GLI2: variants seen among roughly 807,000 people sequenced by gnomAD.
The protein encoded by GLI2 is transcription activator GLI2.
Under a neutral mutation model 78.9 loss-of-function variants are expected in GLI2, and 22 were observed. That is an observed-to-expected ratio of 0.28 (90% CI 0.20 to 0.40). The LOEUF (loss-of-function observed/expected upper bound fraction) is 0.40, where lower values mean the gene tolerates loss of function less well. GLI2 is among the 10% of genes least tolerant of loss of function. The pLI is 1.00. For missense variants in GLI2, 2,097 were observed against 2,213.2 expected, an observed-to-expected ratio of 0.95 and a Z score of 1.05; for synonymous variants, 974 against 963.7, an observed-to-expected ratio of 1.01 and a Z score of -0.20.
intron 1 of GLI2, among the ~76,000 whole-genome samples, chr2:120,763,507 C>T (rs559699626): frequency 3.3e-5 from 5 of 152,226 alleles, no homozygotes; most frequent in East Asian, 1.9e-4. Context: ...TCCTGAGCAG[C>T]AGGCTTGGTG....
At chr2:120,883,786 T>G (rs932146684) in intron 2 of GLI2, among the ~76,000 whole-genome samples, 5 of 152,256 alleles carry the variant, frequency 3.3e-5, no homozygotes, top group Non-Finnish European at 7.4e-5. Flanking sequence ...ATACTTGCAA[T>G]GATAGGTAGC....
intron 3 of GLI2, among the ~76,000 whole-genome samples, chr2:120,939,770 G>A (rs6541752): frequency 0.84 from 128,542 of 152,150 alleles, 58,009 homozygotes; most frequent in East Asian, 1. Context: ...GGTTATTTAA[G>A]GTAAATGCAT....
intron 3 of GLI2, among the ~76,000 whole-genome samples, chr2:120,928,771 T>C (rs565898247): frequency 6.6e-5 from 10 of 152,218 alleles, no homozygotes; most frequent in Non-Finnish European, 1.5e-4. Context: ...CTTTTAAATA[T>C]TTTACTCTGA....
At chr2:120,807,154 C>T (rs1369018865) in intron 2 of GLI2, among the ~76,000 whole-genome samples, 6 of 152,136 alleles carry the variant, frequency 3.9e-5, no homozygotes, top group African/African-American at 1.4e-4. Context: ...CTTGGGCAAG[C>T]CCCCTGGGGA....
Position 120,900,224 on chromosome 2 carries a change from C to T in GLI2, c.149-27137C>T, listed in dbSNP as rs114700854. On this transcript the variant is annotated intron_variant, in intron 2 of 13. Coordinates refer to ENST00000361492, the MANE Select transcript of GLI2 (RefSeq NM_001374353.1). ...CTGGCTGCCTTGCTCTTTTCCCTTC[C>T]GGCTCTTTCTTGTTCCTTCTTTAAC... Among the ~76,000 whole-genome samples the T allele has an allele frequency of 6.4e-3, 971 of 152,276 alleles. 11 individuals are homozygous for T. Among genetic ancestry groups the T allele is most frequent in the African/African-American group, 0.022 (921 of 41,546 alleles).
At position 120,966,742 on chromosome 2, in the gene GLI2, G is replaced by T. The variant is rs369335552; in HGVS notation, c.644-1972G>T. ...GGCTTGCGGCTTGTTCAGTAGGTGG[G>T]TGCGGGCTCTGCCCTCACACAGCCT... On this transcript the variant is annotated intron_variant, in intron 5 of 13. Transcript: ENST00000361492. Among the ~76,000 whole-genome samples the T allele has an allele frequency of 3.3e-5, 5 of 152,242 alleles. No individual in the cohort carries two copies. In the East Asian group the frequency reaches 9.6e-4, roughly 29 times the overall value.
In GLI2 at chr2:120,954,497, G is replaced by A. The variant is rs114055700; in HGVS notation, c.458-748G>A. On this transcript the variant is annotated intron_variant, in intron 4 of 13. Coordinates refer to ENST00000361492, the MANE Select transcript of GLI2 (RefSeq NM_001374353.1). The stretch of plus-strand genomic sequence containing the variant: ...TAAGAGAGCTCTTTTGGAATTTGTC[G>A]AGACTGCTAACAGAGAGGCCGTAGT... 8.1e-3 allele frequency among the ~76,000 whole-genome samples: 1,232 copies of A among 152,246 alleles called. 15 individuals carry two copies. Among genetic ancestry groups the A allele is most frequent in the African/African-American group, 0.028 (1,178 of 41,546 alleles).
intron 1 of GLI2, 59 bp from the exon 2 acceptor site, chr2:120,797,232 G>A (rs150350050): frequency 1.4e-5 from 19 of 1,326,442 alleles, no homozygotes; most frequent in African/African-American, 4.3e-5. Context: ...AATCTGGGTC[G>A]GCGTTTCCCG....
rs145715373 is a variant in GLI2 at position 120,945,224 on chromosome 2, C to T, written c.255-6019C>T. Among the ~76,000 whole-genome samples the T allele has an allele frequency of 3.2e-3, 486 of 152,372 alleles. 1 individual carries two copies. Among genetic ancestry groups the T allele is most frequent in the African/African-American group, 0.011 (470 of 41,582 alleles). ...CGTCCTCCACTGCAGCGGAGTCAGCCGTGAGGCCGGGCTCCTGCTCCTTGT... is the reference window on the plus strand; with the variant it reads ...CGTCCTCCACTGCAGCGGAGTCAGCTGTGAGGCCGGGCTCCTGCTCCTTGT... On this transcript the variant is annotated intron_variant, in intron 3 of 13. Transcript: ENST00000361492.
At chr2:120,946,047 A>G (rs2311803) in intron 3 of GLI2, among the ~76,000 whole-genome samples, 127,626 of 151,584 alleles carry the variant, frequency 0.84, 57,488 homozygotes, top group East Asian at 1. Context: ...GTAATGCACT[A>G]CCTCGTGAAC....
In GLI2 at chr2:120,894,943, C is replaced by T. The variant is rs141325441; in HGVS notation, c.149-32418C>T. Among the ~76,000 whole-genome samples, 838 of 152,306 alleles carry T rather than the reference C, an allele frequency of 5.5e-3. 5 individuals are homozygous for T. Among genetic ancestry groups the T allele is most frequent in the African/African-American group, 0.017 (699 of 41,576 alleles). On this transcript the variant is annotated intron_variant, in intron 2 of 13. Coordinates refer to ENST00000361492, the MANE Select transcript of GLI2 (RefSeq NM_001374353.1). ...TGAACTCCTGACCTCGTGATCTGCC[C>T]GCCTCAGCTTCCCAAAGTTCTGGGA...
At chr2:120,771,450 C>T (rs539492398) in intron 1 of GLI2, among the ~76,000 whole-genome samples, 6 of 152,246 alleles carry the variant, frequency 3.9e-5, no homozygotes, top group Non-Finnish European at 8.8e-5. Context: ...TTCCAAGCGT[C>T]CTTCCTTTCA....
At chr2:120,801,725 C>G (rs966291417) in intron 2 of GLI2, among the ~76,000 whole-genome samples, 5 of 152,170 alleles carry the variant, frequency 3.3e-5, no homozygotes, top group Non-Finnish European at 7.3e-5. Context: ...CCGGAAAGCT[C>G]GGAAAACCCA....
intron 2 of GLI2, chr2:120,866,855 A>C (rs1190870041): frequency 6.6e-6 from 1 of 152,248 alleles, no homozygotes; most frequent in Non-Finnish European, 1.5e-5. Flanking sequence ...CTGAAACTCG[A>C]TGAGTGACAT....
rs564623230 is a variant in GLI2, at chr2:120,928,084, T to G, written c.254+618T>G. ...CTTGGCCTTTAGGGCTCAAAAGTCT[T>G]GGTCTCTGGCTATCCCATCCGTCCT... On this transcript the variant is annotated intron_variant, in intron 3 of 13. Transcript: ENST00000361492. Among the ~76,000 whole-genome samples the G allele has an allele frequency of 2.5e-3, 381 of 152,256 alleles. 2 individuals carry two copies. The highest frequency in any genetic ancestry group is 0.022 in the South Asian group (106 of 4,820).
intron 2 of GLI2, among the ~76,000 whole-genome samples, chr2:120,913,981 C>A (rs1411788348): frequency 3.3e-5 from 5 of 152,204 alleles, no homozygotes; most frequent in Non-Finnish European, 7.3e-5. Context: ...GACCTATAAG[C>A]CAGATCAAGA....
chr2:120,971,755 G>GTGCTC (rs1682184878), intron 7 of GLI2, among the ~76,000 whole-genome samples, 186 bp from the exon 8 acceptor site: 1 of 152,208 alleles, frequency 6.6e-6, no homozygotes, highest in Admixed American at 6.5e-5. Context: ...CCAGGTCTGG[G>GTGCTC]TGCTCTCCTG....
At chr2:120,818,917 C>T (rs746758661) in intron 2 of GLI2, among the ~76,000 whole-genome samples, 2 of 152,140 alleles carry the variant, frequency 1.3e-5, no homozygotes, top group African/African-American at 2.4e-5. Flanking sequence ...CTGAAGCAGC[C>T]GCAGCCCCCC....
intron 2 of GLI2, among the ~76,000 whole-genome samples, chr2:120,827,330 AT>A (rs1186975598): frequency 6.6e-6 from 1 of 152,220 alleles, no homozygotes; most frequent in Non-Finnish European, 1.5e-5. Context: ...GTGGGGATTC[AT>A]ACCCATACTG....
Sources: gnomAD v4.1 joint callset for allele counts (sites outside exome capture counted in the v4.1 genomes callset) on GRCh38, gnomAD v4.1.1 for gene constraint, MANE v1.5 for transcripts, NCBI Gene and HGNC (gene_info 2026-07-23, HGNC 2026-07-21) for gene names.